ABCC4: variants seen among roughly 807,000 people sequenced by gnomAD.
ABCC4 encodes ATP binding cassette subfamily C member 4 (PEL blood group), also known as ATP-binding cassette sub-family C member 4.
ABCC4 carries 102 observed loss-of-function variants against 168.5 expected under a neutral mutation model. The ratio of observed to expected loss-of-function variants is 0.61; its 90% CI spans 0.52 to 0.71. The LOEUF is 0.71. Among genes scored for constraint, ABCC4 ranks in the 30% least tolerant of loss-of-function variants. The probability of loss-of-function intolerance (pLI) is 0.00; values close to 1 mark genes in which losing one functional copy is unlikely to be tolerated. For synonymous variants in ABCC4, 617 were observed against 590.7 expected, an observed-to-expected ratio of 1.04 and a Z score of -0.65; for missense variants, 1,402 against 1,605.8, an observed-to-expected ratio of 0.87 and a Z score of 2.17.
At chr13:95,235,763 A>G (rs1383319630) in intron 3 of ABCC4, among the ~76,000 whole-genome samples, 1 of 152,150 alleles carries the variant, frequency 6.6e-6, no homozygotes, top group Non-Finnish European at 1.5e-5. Context: ...CCCACAGGAC[A>G]TTGCTTCAGT....
intron 25 of ABCC4, among the ~76,000 whole-genome samples, chr13:95,068,549 T>C (rs1002107186): frequency 1.3e-5 from 2 of 152,144 alleles, no homozygotes; most frequent in Non-Finnish European, 2.9e-5. Context: ...CGCTTGAACC[T>C]GAGAGGCAGA....
intron 20 of ABCC4, among the ~76,000 whole-genome samples, chr13:95,091,019 G>A (rs2034416437): frequency 6.6e-6 from 1 of 152,092 alleles, no homozygotes; most frequent in Non-Finnish European, 1.5e-5. Flanking sequence ...ATAAGTAGAA[G>A]AAAGAAGAAG....
intron 8 of ABCC4, among the ~76,000 whole-genome samples, chr13:95,201,185 TCC>T (rs1169339622): frequency 2.6e-5 from 4 of 152,172 alleles, no homozygotes; most frequent in African/African-American, 4.8e-5. Context: ...AATGTAAAAT[TCC>T]CAGCCGGTCA....
intron 11 of ABCC4, among the ~76,000 whole-genome samples, chr13:95,179,088 C>T (rs747987180): frequency 2.6e-5 from 4 of 152,258 alleles, no homozygotes; most frequent in African/African-American, 9.6e-5. Context: ...TCCTGACTTG[C>T]GGCTGGATAA....
At chr13:95,101,520 C>T (rs2034806294) in intron 20 of ABCC4, among the ~76,000 whole-genome samples, 1 of 152,188 alleles carries the variant, frequency 6.6e-6, no homozygotes, top group South Asian at 2.1e-4. Flanking sequence ...AATCCAACCT[C>T]TGCATCTTAT....
intron 20 of ABCC4, among the ~76,000 whole-genome samples, chr13:95,103,310 TA>T (rs1227660529): frequency 6.6e-6 from 1 of 152,120 alleles, no homozygotes; most frequent in Non-Finnish European, 1.5e-5. Flanking sequence ...AAGCTTTTCC[TA>T]GAGAACCAAG....
chr13:95,247,337 G>A (rs967882139), intron 2 of ABCC4, among the ~76,000 whole-genome samples: 39 of 152,170 alleles, frequency 2.6e-4, no homozygotes, highest in Non-Finnish European at 5.0e-4. Flanking sequence ...CTGGATTGAA[G>A]CCCCATCAGT....
At position 95,020,086 on chromosome 13, in the gene ABCC4, C is replaced by T. The variant is rs558773807; in HGVS notation, c.*1489G>A. 2.6e-5 allele frequency: 4 copies of T among 152,286 alleles called. No homozygotes were observed. The East Asian group carries it at 7.7e-4, about 29-fold the overall frequency. 9.4% of individuals were successfully genotyped at this position (152,286 alleles called of 1,614,324 possible). On this transcript the variant is annotated 3_prime_UTR_variant, in exon 31 of 31. Transcript: ENST00000645237. ...ACTGTGTGTGGTTTGTTGGACTGAACATTAACCATACGTGTATTTCTAAGT... is the reference window on the plus strand; with the variant it reads ...ACTGTGTGTGGTTTGTTGGACTGAATATTAACCATACGTGTATTTCTAAGT...
At chr13:95,155,511 GTTTCTTT>G (rs2036825619) in intron 19 of ABCC4, among the ~76,000 whole-genome samples, 1 of 151,934 alleles carries the variant, frequency 6.6e-6, no homozygotes, top group Non-Finnish European at 1.5e-5. Context: ...AAGTCAATAT[GTTTCTTT>G]TTTCTTTTAT....
intron 18 of ABCC4, among the ~76,000 whole-genome samples, chr13:95,162,523 A>G (rs2037131641): frequency 6.6e-6 from 1 of 152,228 alleles, no homozygotes; most frequent in African/African-American, 2.4e-5. Flanking sequence ...TGGGGACGCG[A>G]TAACATTGTG....
chr13:95,129,803 A>C (rs762283245), intron 19 of ABCC4, among the ~76,000 whole-genome samples: 1 of 152,174 alleles, frequency 6.6e-6, no homozygotes, highest in Admixed American at 6.5e-5. Flanking sequence ...GGCCAGGCGC[A>C]GTGGCTCACA....
At chr13:95,157,099 C>T (rs1372758352) in intron 19 of ABCC4, among the ~76,000 whole-genome samples, 1 of 145,318 alleles carries the variant, frequency 6.9e-6, no homozygotes, top group East Asian at 2.0e-4. Context: ...CACACACACA[C>T]ACACACACAC....
chr13:95,090,520 G>A (rs181973515), intron 20 of ABCC4, among the ~76,000 whole-genome samples: 47 of 152,290 alleles, frequency 3.1e-4, no homozygotes, highest in African/African-American at 1.0e-3. Context: ...AGACCCAGAA[G>A]AGAGACAATA....
intron 25 of ABCC4, among the ~76,000 whole-genome samples, chr13:95,063,276 T>C (rs2033372687): frequency 6.6e-6 from 1 of 152,224 alleles, no homozygotes; most frequent in Non-Finnish European, 1.5e-5. Flanking sequence ...AAAGGCAACT[T>C]TTAAATTAGC....
At chr13:95,167,002 CATG>C (rs1228166398) in intron 14 of ABCC4, among the ~76,000 whole-genome samples, 1 of 151,976 alleles carries the variant, frequency 6.6e-6, no homozygotes, top group Non-Finnish European at 1.5e-5. Context: ...GCCTGGCCAA[CATG>C]ATGAAACCCC....
chr13:95,234,617 T>C lies in ABCC4; in HGVS notation c.524A>G (p.Tyr175Cys). Residue 175 changes from tyrosine to cysteine, a missense_variant, in exon 4 of 31, where the codon TAT (tyrosine) becomes TGT (cysteine). Tyr to Cys is a radical substitution (Grantham distance 194). Transcript: ENST00000645237. The part of the protein sequence containing the change: ...RLRVAMCHMI[Y>C]RKALRLSNMA... ...ATGCTGAATGTCACTTACCTTCCGA[T>C]AAATCATATGGCACATGGCTACTCG... is the stretch of plus-strand genomic sequence containing the variant. 1 of 1,613,484 alleles carries C rather than the reference T, an allele frequency of 6.2e-7. No individual in the cohort carries two copies. Among genetic ancestry groups the C allele is most frequent in the Non-Finnish European group, 8.5e-7 (1 of 1,179,454 alleles).
chr13:95,104,927 A>G (rs922041458), intron 20 of ABCC4, among the ~76,000 whole-genome samples: 5 of 152,166 alleles, frequency 3.3e-5, no homozygotes, highest in African/African-American at 9.7e-5. Flanking sequence ...CGCGGAGGAC[A>G]ATTTTTCCAT....
At chr13:95,122,304 T>C (rs1004293339) in intron 19 of ABCC4, among the ~76,000 whole-genome samples, 1 of 152,162 alleles carries the variant, frequency 6.6e-6, no homozygotes, top group Non-Finnish European at 1.5e-5. Flanking sequence ...ATCTTACGCG[T>C]ATCTAAATAA....
chr13:95,069,962 A>G (rs2033671850), intron 25 of ABCC4, among the ~76,000 whole-genome samples: 1 of 152,194 alleles, frequency 6.6e-6, no homozygotes, highest in African/African-American at 2.4e-5. Flanking sequence ...GAATCTGGCC[A>G]GGCATGGTGG....
Sources: gnomAD v4.1 joint callset for allele counts (sites outside exome capture counted in the v4.1 genomes callset) on GRCh38, gnomAD v4.1.1 for gene constraint, MANE v1.5 for transcripts, NCBI Gene and HGNC (gene_info 2026-07-23, HGNC 2026-07-21) for gene names.